The following ARID3C variants were observed in gnomAD, a reference collection of about 807,000 sequenced individuals.
The protein encoded by ARID3C is AT-rich interaction domain 3C, also known as AT-rich interactive domain-containing protein 3C.
Under a neutral mutation model 37.9 loss-of-function variants are expected in ARID3C, and 42 were observed. That is an observed-to-expected ratio of 1.11 (90% CI 0.87 to 1.43). ARID3C has a LOEUF of 1.43. Among genes scored for constraint, ARID3C ranks in the 40% most tolerant of loss-of-function variants. ARID3C has a pLI of 0.00. For missense variants in ARID3C, 581 were observed against 548.8 expected (o/e 1.06, Z -0.59); for synonymous variants, 213 against 228.0 (o/e 0.93, Z 0.59).
upstream of ARID3C, among the ~76,000 whole-genome samples, chr9:34,628,883 T>A (rs1429565836): frequency 6.6e-6 from 1 of 151,944 alleles, no homozygotes; most frequent in Non-Finnish European, 1.5e-5. The surrounding 1 kb of genome is among the most constrained non-coding windows in gnomAD (Gnocchi z 5.2). Context: ...GACGCCCGGC[T>A]CCCTCGCTCC....
chr9:34,627,604 G>T, intron 1 of ARID3C, 93 bp downstream of exon 2: 1 of 1,148,258 alleles, frequency 8.7e-7, no homozygotes. Flanking sequence ...GCAGAGGGTG[G>T]TGGGGGTGGG....
At chr9:34,625,866 C>A in intron 1 of ARID3C, 52 bp from the exon 3 acceptor site, 1 of 1,600,448 alleles carries the variant, frequency 6.2e-7, no homozygotes, top group Non-Finnish European at 8.6e-7. Context: ...CCCTCCCTCC[C>A]TTGACCCCAA....
At chr9:34,626,429 C>T (rs1290024139) in intron 1 of ARID3C, among the ~76,000 whole-genome samples, 2 of 152,108 alleles carry the variant, frequency 1.3e-5, no homozygotes, top group African/African-American at 4.8e-5. Context: ...GAGGCACTGG[C>T]CCTGTACCAC....
At chr9:34,622,618 T>C in intron 4 of ARID3C, 89 bp from the exon 6 acceptor site, 1 of 1,335,238 alleles carries the variant, frequency 7.5e-7, no homozygotes, top group African/African-American at 1.5e-5. Context: ...AAGAGGTAAC[T>C]CAAGCTCATG....
In ARID3C at chr9:34,623,844, G is replaced by A. The variant is rs1336086752; in HGVS notation, c.575+20C>T. On this transcript the variant is annotated intron_variant, in intron 3 of 6. Coordinates refer to ENST00000378909, the Ensembl canonical transcript of ARID3C. ...CCGAACCCGTGCCCCCTTCCCTTCCGCTCCCGCCCCTGGCCTCACTGGGTG... is the reference window on the plus strand; with the variant it reads ...CCGAACCCGTGCCCCCTTCCCTTCCACTCCCGCCCCTGGCCTCACTGGGTG... 5 of 1,188,060 alleles carry A rather than the reference G, an allele frequency of 4.2e-6. No homozygotes were observed. The Admixed American group carries it at 9.0e-5, about 21-fold the overall frequency. 73.6% of individuals were successfully genotyped at this position (1,188,060 alleles called of 1,614,324 possible). A position where few individuals can be genotyped will look rare whatever the true frequency, so the allele number is the denominator to read the frequency against.
chr9:34,624,632 C>G (rs1046214576), intron 2 of ARID3C, among the ~76,000 whole-genome samples: 1 of 152,216 alleles, frequency 6.6e-6, no homozygotes, highest in African/African-American at 2.4e-5. Context: ...CCGCCGACTC[C>G]GCAGCCCGCG....
chr9:34,628,079 A>C lies in ARID3C; in HGVS notation c.-65T>G, dbSNP rs1820684048. Reference sequence around the variant, plus strand: ...TGGTACCAGGCGGGACCCCGAGGAAAGGGCCGCCTGTGGGGGAGGGAATTA... The same window carrying C: ...TGGTACCAGGCGGGACCCCGAGGAACGGGCCGCCTGTGGGGGAGGGAATTA... On this transcript the variant is annotated 5_prime_UTR_variant, in exon 1 of 7. Coordinates refer to ENST00000378909, the Ensembl canonical transcript of ARID3C. This position sits in a 1 kb window ranked among gnomAD's most constrained non-coding sequence, Gnocchi z 5.2. The C allele has an allele frequency of 1.4e-6, 2 of 1,438,938 alleles. No individual in the cohort carries two copies. Among genetic ancestry groups the C allele is most frequent in the Admixed American group, 2.9e-5 (1 of 34,952 alleles). The allele number at this position is 1,438,938 out of a possible 1,614,324, so 89.1% of individuals were successfully genotyped here. A position where few individuals can be genotyped will look rare whatever the true frequency, so the allele number is the denominator to read the frequency against.
chr9:34,625,768 T>C (rs778697665), exon 2 of ARID3C: 11 of 1,613,952 alleles, frequency 6.8e-6, no homozygotes, highest in Non-Finnish European at 8.5e-6. Context: ...GCTAAACAGG[T>C]CATCCAGAAA....
chr9:34,626,901 C>A (rs770599013), intron 1 of ARID3C, among the ~76,000 whole-genome samples: 3 of 152,118 alleles, frequency 2.0e-5, no homozygotes, highest in Non-Finnish European at 4.4e-5. Flanking sequence ...CCTACAAGTA[C>A]CAGAATAGCA....
intron 1 of ARID3C, among the ~76,000 whole-genome samples, 153 bp from the exon 3 acceptor site, chr9:34,625,967 G>A (rs1235045691): frequency 6.6e-6 from 1 of 152,186 alleles, no homozygotes; most frequent in Non-Finnish European, 1.5e-5. Context: ...GGCTCTCTCC[G>A]CCTAGGGGCA....
chr9:34,623,159 A>AG (rs1238070015), intron 4 of ARID3C, among the ~76,000 whole-genome samples: 1 of 150,906 alleles, frequency 6.6e-6, no homozygotes, highest in Non-Finnish European at 1.5e-5. Context: ...AAAAAAAAAA[A>AG]AAAAGAAAAA....
chr9:34,623,694 G>C, exon 4 of ARID3C: 3 of 1,558,252 alleles, frequency 1.9e-6, no homozygotes, highest in Non-Finnish European at 2.6e-6. Context: ...GCACTCGTAC[G>C]GGTACAGGTA....
At chr9:34,625,602 T>G (rs1587217054) in intron 2 of ARID3C, 140 bp downstream of exon 3, 11 of 512,190 alleles carry the variant, frequency 2.1e-5, no homozygotes, top group East Asian at 1.5e-4. Flanking sequence ...GGGGACAGGG[T>G]CAGAGGTTAA....
chr9:34,626,248 C>G (rs767988841), intron 1 of ARID3C, among the ~76,000 whole-genome samples: 3 of 152,198 alleles, frequency 2.0e-5, no homozygotes, highest in Non-Finnish European at 4.4e-5. Context: ...ATGGTGTTCA[C>G]ATCCCTGTAT....
intron 4 of ARID3C, among the ~76,000 whole-genome samples, chr9:34,622,888 C>G (rs1268477408): frequency 6.6e-6 from 1 of 152,100 alleles, no homozygotes; most frequent in Non-Finnish European, 1.5e-5. Flanking sequence ...GTGACTCAGC[C>G]TGTAATCCCA....
At chr9:34,622,191 G>A (rs565559616) in intron 5 of ARID3C, 82 bp from the exon 7 acceptor site, 26 of 1,580,020 alleles carry the variant, frequency 1.6e-5, no homozygotes, top group African/African-American at 1.5e-4. Context: ...CTCCATCCCC[G>A]TAGACAGCCC....
At chr9:34,627,252 C>G (rs1427965002) in intron 1 of ARID3C, among the ~76,000 whole-genome samples, 1 of 152,210 alleles carries the variant, frequency 6.6e-6, no homozygotes, top group African/African-American at 2.4e-5. Flanking sequence ...GCAACTGGGT[C>G]ACCCCCACTG....
At chr9:34,628,111 C>T (rs1409099524), upstream of ARID3C, 4 of 1,410,930 alleles carry the variant, frequency 2.8e-6, no homozygotes, top group East Asian at 1.0e-4. The surrounding 1 kb of genome is among the most constrained non-coding windows in gnomAD (Gnocchi z 5.2). Context: ...ATTATGGGTG[C>T]TGGGCCCTAC....
chr9:34,631,759 G>A (rs2132318155), upstream of ARID3C, among the ~76,000 whole-genome samples: 1 of 152,344 alleles, frequency 6.6e-6, no homozygotes, highest in South Asian at 2.1e-4. Context: ...AATTCTGTGG[G>A]TCTGGATGGT....
Sources: allele counts gnomAD v4.1 joint callset (sites outside exome capture counted in the v4.1 genomes callset), GRCh38; gene constraint gnomAD v4.1.1; non-coding constraint Gnocchi (gnomAD v3.1); transcripts MANE v1.5; gene names NCBI Gene and HGNC (gene_info 2026-07-23, HGNC 2026-07-21).